Variants in C6 observed in about 807,000 individuals in gnomAD.
C6 encodes the protein complement component C6.
A neutral mutation model predicts 112.9 loss-of-function variants in C6; 101 were observed. That is an observed-to-expected ratio of 0.89 (90% CI 0.76 to 1.06). C6 has a LOEUF of 1.06. C6 is among the 50% of genes least tolerant of loss of function. The pLI, the probability that C6 is intolerant of heterozygous loss-of-function variation, is 0.00. For missense variants in C6, 1,202 were observed against 1,104.6 expected (o/e 1.09, Z -1.25); for synonymous variants, 431 against 384.1 (o/e 1.12, Z -1.43).
At chr5:41,249,686 A>G (rs1442320257) in intron 1 of C6, among the ~76,000 whole-genome samples, 5 of 152,202 alleles carry the variant, frequency 3.3e-5, no homozygotes, top group Admixed American at 6.5e-5. Flanking sequence ...TCCCTTGCTG[A>G]TGAGCTGAAA....
intron 13 of C6, among the ~76,000 whole-genome samples, chr5:41,155,626 G>A (rs894087154): frequency 1.3e-5 from 2 of 152,170 alleles, no homozygotes; most frequent in African/African-American, 2.4e-5. Context: ...CTACTTGGGA[G>A]GCTGAAGTGG....
intron 1 of C6, among the ~76,000 whole-genome samples, chr5:41,229,951 A>G (rs571994961): frequency 1.3e-5 from 2 of 152,282 alleles, no homozygotes; most frequent in African/African-American, 4.8e-5. Context: ...ATGGACTTTC[A>G]TCAGTTCCCA....
chr5:41,204,233 AAAT>A (rs1254841308), intron 1 of C6, among the ~76,000 whole-genome samples: 1 of 152,234 alleles, frequency 6.6e-6, no homozygotes, highest in Non-Finnish European at 1.5e-5. Flanking sequence ...ACTATCTATA[AAAT>A]AAGAGTAATA....
intron 1 of C6, among the ~76,000 whole-genome samples, chr5:41,254,032 T>A (rs1741525643): frequency 6.6e-6 from 1 of 152,226 alleles, no homozygotes; most frequent in Non-Finnish European, 1.5e-5. Context: ...TAGTACATGT[T>A]TCTAGGAATA....
intron 5 of C6, among the ~76,000 whole-genome samples, chr5:41,191,132 C>A (rs749395909): frequency 2.1e-4 from 29 of 140,040 alleles, no homozygotes; most frequent in Non-Finnish European, 3.0e-4. Flanking sequence ...AGTGGCACGA[C>A]CTCTGCTCAC....
At chr5:41,238,552 G>A (rs1740478671) in intron 1 of C6, among the ~76,000 whole-genome samples, 1 of 152,168 alleles carries the variant, frequency 6.6e-6, no homozygotes, top group South Asian at 2.1e-4. Context: ...TAGACCACTG[G>A]AGAAAAGAGG....
intron 1 of C6, among the ~76,000 whole-genome samples, chr5:41,219,571 T>C (rs1739037205): frequency 1.3e-5 from 2 of 152,156 alleles, no homozygotes; most frequent in Admixed American, 6.6e-5. Flanking sequence ...GAAAAACTAA[T>C]GATAGCAGTG....
intron 1 of C6, among the ~76,000 whole-genome samples, chr5:41,260,462 C>CCA (rs1451494545): frequency 3.2e-4 from 44 of 135,970 alleles, no homozygotes; most frequent in African/African-American, 1.2e-3. Context: ...CCCCCCAAAA[C>CCA]AAACAAACAA....
intron 9 of C6, among the ~76,000 whole-genome samples, chr5:41,163,241 C>T (rs978609365): frequency 1.3e-4 from 19 of 150,306 alleles, no homozygotes; most frequent in African/African-American, 4.1e-4. Flanking sequence ...GTAAGATGAA[C>T]ACCAAAGCTG....
chr5:41,165,541 C>T (rs1411789993), intron 9 of C6, among the ~76,000 whole-genome samples: 1 of 151,876 alleles, frequency 6.6e-6, no homozygotes, highest in African/African-American at 2.4e-5. Context: ...ATGTTTATTG[C>T]TTTTTAAAAT....
At chr5:41,156,722 T>C (rs550586320) in intron 13 of C6, among the ~76,000 whole-genome samples, 63 of 152,340 alleles carry the variant, frequency 4.1e-4, no homozygotes, top group Middle Eastern at 3.4e-3. Flanking sequence ...CTGTTGGTTA[T>C]TACTGATATG....
At chr5:41,261,425 C>T (rs74627458) in exon 1 of C6, 1,723 of 155,762 alleles carry the variant, frequency 0.011, 19 homozygotes, top group Non-Finnish European at 0.018. Flanking sequence ...TTAAGAGAGA[C>T]GGGTATATTT....
rs192031504 is a variant in C6 at position 41,229,730 on chromosome 5, A to T, written c.-20-26480T>A. The stretch of plus-strand genomic sequence containing the variant: ...TGTTATTCAAATCTTCGGCTTCCTT[A>T]TTGATTTTCTATCTGTATAATGTAG... On this transcript the variant is annotated intron_variant, in intron 1 of 17. Transcript: ENST00000263413. Among the ~76,000 whole-genome samples, 340 of 152,198 alleles carry T rather than the reference A, an allele frequency of 2.2e-3. 1 individual carries two copies. The highest frequency in any genetic ancestry group is 7.9e-3 in the African/African-American group (328 of 41,534).
intron 1 of C6, among the ~76,000 whole-genome samples, chr5:41,232,970 T>C (rs1358469977): frequency 2.6e-5 from 4 of 152,114 alleles, no homozygotes; most frequent in Admixed American, 6.6e-5. Flanking sequence ...AGATATTTTA[T>C]ATTTATAGAA....
In C6 at chr5:41,142,158, C is replaced by T. The variant is rs1745413672; in HGVS notation, c.*667G>A. 6.6e-6 allele frequency: 1 copy of T among 152,538 alleles called. No individual in the cohort carries two copies. The highest frequency in any genetic ancestry group is 2.4e-5 in the African/African-American group (1 of 41,446). The allele number at this position is 152,538 out of a possible 1,614,324, so 9.4% of individuals were successfully genotyped here. ...TTTATTGTTATGGAATATTTCCTTG[C>T]ATAAGATGATAATTAAGGATGGGAC... On this transcript the variant is annotated 3_prime_UTR_variant, in exon 18 of 18. Transcript: ENST00000337836.
intron 1 of C6, among the ~76,000 whole-genome samples, chr5:41,227,321 T>C (rs1405254765): frequency 6.6e-6 from 1 of 152,038 alleles, no homozygotes; most frequent in African/African-American, 2.4e-5. Flanking sequence ...AGCTATTGGA[T>C]TGTTTGAGGT....
At chr5:41,233,745 T>A (rs554910502) in intron 1 of C6, among the ~76,000 whole-genome samples, 1 of 152,044 alleles carries the variant, frequency 6.6e-6, no homozygotes, top group Non-Finnish European at 1.5e-5. Context: ...CTTAGAAGAT[T>A]TGAAAGAAGA....
At chr5:41,234,817 T>TA (rs1423030415) in intron 1 of C6, among the ~76,000 whole-genome samples, 2 of 152,134 alleles carry the variant, frequency 1.3e-5, no homozygotes, top group East Asian at 3.9e-4. Context: ...GCCAAGGTGA[T>TA]AAAATATGAA....
intron 1 of C6, among the ~76,000 whole-genome samples, chr5:41,247,675 G>T (rs1164393259): frequency 1.4e-5 from 2 of 148,124 alleles, no homozygotes; most frequent in Non-Finnish European, 3.0e-5. Flanking sequence ...CCGAGATCGC[G>T]CCACTGCACT....
Sources: gnomAD v4.1 joint callset for allele counts (sites outside exome capture counted in the v4.1 genomes callset) on GRCh38, gnomAD v4.1.1 for gene constraint, MANE v1.5 for transcripts, NCBI Gene and HGNC (gene_info 2026-07-23, HGNC 2026-07-21) for gene names.